SLIT2: variants seen among roughly 807,000 people sequenced by gnomAD.
SLIT2 encodes the protein slit guidance ligand 2, also known as slit homolog 2 protein.
Under a neutral mutation model 185.7 loss-of-function variants are expected in SLIT2, and 41 were observed. The ratio of observed to expected loss-of-function variants is 0.22; its 90% confidence interval spans 0.17 to 0.29. The LOEUF is 0.29. Among genes scored for constraint, SLIT2 ranks in the 10% least tolerant of loss-of-function variants. The pLI is 1.00. For missense variants in SLIT2, 1,571 were observed against 1,909.0 expected, an observed-to-expected ratio of 0.82 and a Z score of 3.30; for synonymous variants, 693 against 680.2, an observed-to-expected ratio of 1.02 and a Z score of -0.29.
intron 34 of SLIT2, among the ~76,000 whole-genome samples, chr4:20,610,731 T>C (rs1185307965): frequency 6.6e-6 from 1 of 152,132 alleles, no homozygotes; most frequent in Admixed American, 6.6e-5. Context: ...ACAAATTAAA[T>C]GTACAAATTG....
intron 34 of SLIT2, among the ~76,000 whole-genome samples, chr4:20,614,667 C>T (rs1729507813): frequency 6.6e-6 from 1 of 151,568 alleles, no homozygotes. Flanking sequence ...ATCCCAGCTT[C>T]TCGGGAGGCT....
At chr4:20,388,669 G>A (rs1402289932) in intron 4 of SLIT2, among the ~76,000 whole-genome samples, 3 of 151,506 alleles carry the variant, frequency 2.0e-5, no homozygotes, top group Non-Finnish European at 4.4e-5. Flanking sequence ...AACTACTTGG[G>A]AGGCTGAAGG....
intron 18 of SLIT2, among the ~76,000 whole-genome samples, chr4:20,538,780 TAA>T (rs35129347): frequency 1.4e-4 from 17 of 121,070 alleles, no homozygotes; most frequent in Admixed American, 1.7e-4. Context: ...TGACAATGAC[TAA>T]AAAAAAAAAA....
At chr4:20,255,878 A>T (rs1711770013) in intron 1 of SLIT2, among the ~76,000 whole-genome samples, 1 of 152,226 alleles carries the variant, frequency 6.6e-6, no homozygotes, top group Non-Finnish European at 1.5e-5. Flanking sequence ...TATGAAGAGC[A>T]TTCAAACCGC....
intron 4 of SLIT2, among the ~76,000 whole-genome samples, chr4:20,325,108 C>T (rs1489008203): frequency 6.6e-6 from 1 of 151,702 alleles, no homozygotes; most frequent in Non-Finnish European, 1.5e-5. Flanking sequence ...TTTTTCCCTC[C>T]TACTTTCTCA....
chr4:20,509,117 CATG>C (rs1031810241), intron 9 of SLIT2, among the ~76,000 whole-genome samples: 12 of 151,250 alleles, frequency 7.9e-5, no homozygotes, highest in Non-Finnish European at 1.5e-4. Flanking sequence ...AGTATGTTGT[CATG>C]ATATTTATTC....
chr4:20,444,617 T>C (rs1453822456), intron 4 of SLIT2, among the ~76,000 whole-genome samples: 1 of 152,230 alleles, frequency 6.6e-6, no homozygotes, highest in Non-Finnish European at 1.5e-5. Context: ...TTAGTAGTAA[T>C]GCAGCAGTGG....
rs1217591605 is a variant in SLIT2 at position 20,488,910 on chromosome 4, C to G, written c.703C>G (p.Gln235Glu). 6.2e-7 allele frequency: 1 copy of G among 1,612,562 alleles called. No homozygotes were observed. The highest frequency in any genetic ancestry group is 8.5e-7 in the Non-Finnish European group (1 of 1,178,834). ...AAGGCCTCGGGTTGGTCTGTACACT[C>G]AGTGTATGGGCCCCTCCCACCTGAG... ...RQRPRVGLYT[Q>E]CMGPSHLRGH... is the part of the protein sequence containing the mutation. The change falls in exon 8 of 37, where the codon CAG becomes GAG. Residue 235 changes from glutamine to glutamate, a missense_variant. Physicochemically the swap from Gln to Glu is conservative, Grantham distance 29 (BLOSUM62 2). Coordinates refer to ENST00000504154, the MANE Select transcript of SLIT2 (RefSeq NM_004787.4).
rs78548941 is a variant in SLIT2 at position 20,604,052 on chromosome 4, T to C, written c.3692+5657T>C. 1.9e-3 allele frequency among the ~76,000 whole-genome samples: 297 copies of C among 152,350 alleles called. 2 individuals are homozygous for C. The highest frequency in any genetic ancestry group is 6.8e-3 in the African/African-American group (283 of 41,582). ...TGCTTTTCATGTTTGGTTATGAGAA[T>C]TGAATGAATGTAAAGCACCTAACAT... On this transcript the variant is annotated intron_variant, in intron 33 of 36. Transcript: ENST00000504154.
intron 4 of SLIT2, among the ~76,000 whole-genome samples, chr4:20,455,361 G>C (rs1010079931): frequency 2.0e-5 from 3 of 152,054 alleles, no homozygotes; most frequent in African/African-American, 7.2e-5. Flanking sequence ...AAAAAGGGTT[G>C]AGACATCCAA....
At chr4:20,313,187 G>T (rs991727043) in intron 4 of SLIT2, among the ~76,000 whole-genome samples, 17 of 152,176 alleles carry the variant, frequency 1.1e-4, no homozygotes, top group Admixed American at 3.3e-4. Context: ...AAGAAAAGAG[G>T]TTTAATTGGC....
At chr4:20,589,893 A>C (rs1479657243) in intron 30 of SLIT2, among the ~76,000 whole-genome samples, 156 bp downstream of exon 30, 1 of 149,388 alleles carries the variant, frequency 6.7e-6, no homozygotes, top group South Asian at 2.1e-4. Context: ...TCGATATACA[A>C]TATGGACTTT....
At chr4:20,501,455 T>C (rs1243379762) in intron 9 of SLIT2, among the ~76,000 whole-genome samples, 3 of 152,046 alleles carry the variant, frequency 2.0e-5, no homozygotes, top group Non-Finnish European at 4.4e-5. Flanking sequence ...CCGGCTTTTT[T>C]GTCTTTTGGG....
At chr4:20,588,849 T>G (rs750489624) in intron 29 of SLIT2, among the ~76,000 whole-genome samples, 1 of 152,178 alleles carries the variant, frequency 6.6e-6, no homozygotes, top group Non-Finnish European at 1.5e-5. Flanking sequence ...GAAGTTCTAT[T>G]TCATGAGTTA....
chr4:20,283,111 TGC>T (rs1238465824), intron 4 of SLIT2, among the ~76,000 whole-genome samples: 2 of 143,628 alleles, frequency 1.4e-5, no homozygotes, highest in African/African-American at 2.8e-5. Flanking sequence ...TGTGCCTGTG[TGC>T]GCGCGCGCAC....
chr4:20,472,517 T>G lies in SLIT2; in HGVS notation c.467+4694T>G, dbSNP rs1173885664. Among the ~76,000 whole-genome samples, 158 of 20,410 alleles carry G rather than the reference T, an allele frequency of 7.7e-3. 45 individuals are homozygous for G. Among genetic ancestry groups the G allele is most frequent in the Admixed American group, 0.015 (15 of 982 alleles). The allele number at this position is 20,410 out of a possible 152,430, so 13.4% of individuals were successfully genotyped here. A position where few individuals can be genotyped will look rare whatever the true frequency, so the allele number is the denominator to read the frequency against. On this transcript the variant is annotated intron_variant, in intron 5 of 36. Coordinates refer to ENST00000504154, the MANE Select transcript of SLIT2 (RefSeq NM_004787.4). ...AGATATATATCTATATATAGATAGA[T>G]ATATATCTATATATAGATATATCTA...
At chr4:20,479,958 CT>C (rs1486249292) in intron 5 of SLIT2, among the ~76,000 whole-genome samples, 2 of 152,086 alleles carry the variant, frequency 1.3e-5, no homozygotes, top group African/African-American at 4.8e-5. Flanking sequence ...AAATTAGCAT[CT>C]TTTTAAAAAG....
At position 20,586,651 on chromosome 4, in the gene SLIT2, T is replaced by C. The variant is rs975970462; in HGVS notation, c.3089-2993T>C. Among the ~76,000 whole-genome samples the C allele has an allele frequency of 1.4e-4, 22 of 152,230 alleles. 2 individuals carry two copies. Among genetic ancestry groups the C allele is most frequent in the Admixed American group, 9.8e-4 (15 of 15,290 alleles). On this transcript the variant is annotated intron_variant, in intron 29 of 36. Transcript: ENST00000504154. ...GTTTAGCATACAGTAGTAAGCATGA[T>C]ATAAATGCTCATTAAGTACATAAAC...
intron 29 of SLIT2, among the ~76,000 whole-genome samples, chr4:20,582,575 G>T (rs548455638): frequency 6.6e-6 from 1 of 152,136 alleles, no homozygotes; most frequent in African/African-American, 2.4e-5. Context: ...AGCATGCATG[G>T]TGGCTGTAAC....
Sources: gnomAD v4.1 joint callset for allele counts (sites outside exome capture counted in the v4.1 genomes callset) on GRCh38, gnomAD v4.1.1 for gene constraint, MANE v1.5 for transcripts, NCBI Gene and HGNC (gene_info 2026-07-23, HGNC 2026-07-21) for gene names.